The following MSH4 variants were observed in gnomAD, a reference collection of about 807,000 sequenced individuals.
MSH4 encodes mutS homolog 4.
MSH4 carries 106 observed loss-of-function variants against 113.7 expected under a neutral mutation model. The ratio of observed to expected loss-of-function variants is 0.93; its 90% CI spans 0.80 to 1.10. The LOEUF (loss-of-function observed/expected upper bound fraction) is 1.10. Among genes scored for constraint, MSH4 ranks in the 50% least tolerant of loss-of-function variants. The pLI, the probability that MSH4 is intolerant of heterozygous loss-of-function variation, is 0.00. For missense variants in MSH4, 1,061 were observed against 1,093.7 expected, an observed-to-expected ratio of 0.97 and a Z score of 0.42; for synonymous variants, 368 against 380.2, an observed-to-expected ratio of 0.97 and a Z score of 0.37.
At chr1:75,807,308 A>T (rs923276648) in intron 3 of MSH4, among the ~76,000 whole-genome samples, 167 bp downstream of exon 3, 4 of 152,146 alleles carry the variant, frequency 2.6e-5, no homozygotes, top group African/African-American at 9.6e-5. Context: ...TCTGATTTTT[A>T]TTTTTTAAAT....
At chr1:75,809,993 A>G (rs1263274065) in intron 3 of MSH4, among the ~76,000 whole-genome samples, 1 of 152,082 alleles carries the variant, frequency 6.6e-6, no homozygotes, top group Admixed American at 6.6e-5. Context: ...TTCACAGAGT[A>G]TTTGGATAAA....
At chr1:75,833,919 C>T (rs987685799) in intron 7 of MSH4, among the ~76,000 whole-genome samples, 1 of 152,222 alleles carries the variant, frequency 6.6e-6, no homozygotes, top group African/African-American at 2.4e-5. Flanking sequence ...GCAACAAAAG[C>T]CAAAACTGAC....
chr1:75,797,169 G>T lies in MSH4; in HGVS notation c.184G>T (p.Asp62Tyr). Reference sequence around the variant, plus strand: ...TCCTGGCACGTCAGGAGCTGCGGGCGACCGGAGCAGCAGCAGCAGCAGCCT... The same window carrying T: ...TCCTGGCACGTCAGGAGCTGCGGGCTACCGGAGCAGCAGCAGCAGCAGCCT... ...TCPGTSGAAG[D>Y]RSSSSSSLPC... Residue 62 changes from aspartate (D) to tyrosine (Y), a missense_variant, in exon 1 of 20, where the codon GAC becomes TAC. Physicochemically the swap from Asp to Tyr is radical, Grantham distance 160 (BLOSUM62 -3). Transcript: ENST00000263187. The T allele has an allele frequency of 6.2e-7, 1 of 1,610,940 alleles. No homozygotes were observed. Among genetic ancestry groups the T allele is most frequent in the South Asian group, 1.1e-5 (1 of 90,744 alleles).
At chr1:75,892,209 A>G (rs892277889) in intron 17 of MSH4, among the ~76,000 whole-genome samples, 1 of 152,174 alleles carries the variant, frequency 6.6e-6, no homozygotes, top group African/African-American at 2.4e-5. Flanking sequence ...TCAAACTGAA[A>G]CATTGGCTTT....
intron 8 of MSH4, among the ~76,000 whole-genome samples, chr1:75,865,609 ATGTTG>A (rs1651546383): frequency 6.6e-6 from 1 of 152,118 alleles, no homozygotes; most frequent in African/African-American, 2.4e-5. Context: ...TAAAACACAG[ATGTTG>A]AAGTTTGTGA....
intron 8 of MSH4, among the ~76,000 whole-genome samples, chr1:75,849,518 A>G (rs1651142503): frequency 6.6e-6 from 1 of 150,998 alleles, no homozygotes; most frequent in Non-Finnish European, 1.5e-5. Flanking sequence ...TTTTTGTATT[A>G]TAAAGAAAAT....
intron 7 of MSH4, among the ~76,000 whole-genome samples, chr1:75,836,845 G>A (rs2100535802): frequency 6.6e-6 from 1 of 152,134 alleles, no homozygotes; most frequent in Middle Eastern, 3.4e-3. Flanking sequence ...TATGTTCTGG[G>A]TTGTCCTTTT....
intron 15 of MSH4, among the ~76,000 whole-genome samples, chr1:75,888,443 C>G (rs187424708): frequency 1.4e-4 from 21 of 152,002 alleles, no homozygotes; most frequent in Admixed American, 4.6e-4. Flanking sequence ...CAGAAACAGT[C>G]TTGTGGGTGA....
rs1388668623 is a variant in MSH4, at chr1:75,846,751, T to G, written c.1163-1458T>G. On this transcript the variant is annotated intron_variant, in intron 7 of 19. Coordinates refer to ENST00000263187, the MANE Select transcript of MSH4 (RefSeq NM_002440.4). ...GCCTTCACTAGAATTGCCCTTAATGTTCTTCTGTTCATGGCAATCTGGGCT... is the reference window on the plus strand; with the variant it reads ...GCCTTCACTAGAATTGCCCTTAATGGTCTTCTGTTCATGGCAATCTGGGCT... Among the ~76,000 whole-genome samples the G allele has an allele frequency of 2.0e-5, 3 of 152,202 alleles. No individual in the cohort carries two copies. In the East Asian group the frequency reaches 5.8e-4, roughly 29 times the overall value.
At chr1:75,813,670 G>A (rs1022073983) in intron 4 of MSH4, among the ~76,000 whole-genome samples, 1 of 151,886 alleles carries the variant, frequency 6.6e-6, no homozygotes, top group African/African-American at 2.4e-5. Context: ...GGGAAAATTC[G>A]ATATTTTTAT....
At chr1:75,879,212 C>A (rs1319792847) in intron 12 of MSH4, 84 bp downstream of exon 12, 5 of 1,317,854 alleles carry the variant, frequency 3.8e-6, no homozygotes, top group Non-Finnish European at 5.3e-6. Context: ...TTGAGTTTTG[C>A]AAGCCAAATT....
intron 8 of MSH4, among the ~76,000 whole-genome samples, chr1:75,861,861 G>A (rs1353276860): frequency 6.6e-6 from 1 of 152,164 alleles, no homozygotes; most frequent in Non-Finnish European, 1.5e-5. Context: ...TTTCAGATAT[G>A]CCCTGCCCCC....
Position 75,890,793 on chromosome 1 carries a change from A to G in MSH4, c.2324A>G (p.Tyr775Cys), listed in dbSNP as rs1022999034. 2 of 1,606,808 alleles carry G rather than the reference A, an allele frequency of 1.2e-6. No individual in the cohort carries two copies. Among genetic ancestry groups the G allele is most frequent in the Admixed American group, 3.4e-5 (2 of 59,270 alleles). The change falls in exon 17 of 20, where the codon TAT (tyrosine) becomes TGT (cysteine). Residue 775 changes from tyrosine to cysteine, a missense_variant. Physicochemically the swap from Tyr to Cys is radical, Grantham distance 194. Transcript: ENST00000263187. ...TNTEEGIGIC[Y>C]AVCEYLLSLK... is the part of the protein sequence containing the mutation. ...ACGGAAGAAGGTATTGGCATTTGTT[A>G]TGCTGTTTGTGAATATCTACTGAGC...
At chr1:75,797,275 G>T in intron 1 of MSH4, 46 bp downstream of exon 1, 2 of 1,566,798 alleles carry the variant, frequency 1.3e-6, no homozygotes, top group Admixed American at 3.6e-5. Flanking sequence ...CTAGAGGCCG[G>T]CAGTTCATGG....
chr1:75,882,537 T>C (rs901038305), intron 14 of MSH4, among the ~76,000 whole-genome samples: 20 of 152,056 alleles, frequency 1.3e-4, no homozygotes, highest in African/African-American at 4.6e-4. Flanking sequence ...AATTTCCTTT[T>C]ATACAAAATT....
intron 19 of MSH4, among the ~76,000 whole-genome samples, chr1:75,901,281 C>T (rs61770550): frequency 0.2 from 30,480 of 151,958 alleles, 3,206 homozygotes; most frequent in Middle Eastern, 0.27. Context: ...TATTTTTGTA[C>T]GCATTAACCA....
chr1:75,904,553 C>T (rs890991974), intron 19 of MSH4, among the ~76,000 whole-genome samples: 5 of 150,910 alleles, frequency 3.3e-5, no homozygotes, highest in African/African-American at 1.2e-4. Flanking sequence ...GTTCTGTTGC[C>T]TGGACTGGAG....
At position 75,876,942 on chromosome 1, in the gene MSH4, A is replaced by G. The variant is rs758850112; in HGVS notation, c.1312A>G (p.Met438Val). The G allele has an allele frequency of 5.8e-6, 9 of 1,538,708 alleles. No homozygotes were observed. In the East Asian group the frequency reaches 9.5e-5, roughly 16 times the overall value. The change falls in exon 10 of 20, where the codon ATG becomes GTG. Residue 438 changes from methionine to valine, a missense_variant. Met to Val is a conservative substitution (Grantham distance 21, BLOSUM62 1). Coordinates refer to ENST00000263187, the MANE Select transcript of MSH4 (RefSeq NM_002440.4). ...LELVDPLKIA[M>V]KNCNTPLLRA... ...TTATTTTATTCTTTAATAGATTGCT[A>G]TGAAGAACTGTAACACACCTTTATT... is the stretch of plus-strand genomic sequence containing the variant.
chr1:75,882,663 T>TAAAAAAAA (rs35936506), intron 14 of MSH4, among the ~76,000 whole-genome samples: 10 of 123,800 alleles, frequency 8.1e-5, no homozygotes, highest in African/African-American at 9.0e-5. Flanking sequence ...ACCTCATTTC[T>TAAAAAAAA]AAAAAAAAAA....
Sources: allele counts gnomAD v4.1 joint callset (sites outside exome capture counted in the v4.1 genomes callset), GRCh38; gene constraint gnomAD v4.1.1; transcripts MANE v1.5; gene names NCBI Gene and HGNC (gene_info 2026-07-23, HGNC 2026-07-21).